Variants in HS6ST2 observed in about 807,000 individuals in gnomAD.
HS6ST2 encodes the protein heparan sulfate 6-O-sulfotransferase 2.
In HS6ST2, 17 loss-of-function variants were observed where a neutral mutation model predicts 33.0. That is an observed-to-expected ratio of 0.52 (90% CI 0.35 to 0.77). The LOEUF (loss-of-function observed/expected upper bound fraction) is 0.77, where lower values mean the gene tolerates loss of function less well. Among genes scored for constraint, HS6ST2 ranks in the 30% least tolerant of loss-of-function variants. The pLI is 0.01. For missense variants in HS6ST2, 519 were observed against 551.7 expected (o/e 0.94, Z 0.59); for synonymous variants, 248 against 237.1 (o/e 1.05, Z -0.42).
At chrX:132,739,078 C>T (rs1415499011) in intron 2 of HS6ST2, among the ~76,000 whole-genome samples, 1 of 111,844 alleles carries the variant, frequency 8.9e-6, no homozygotes, top group African/African-American at 3.3e-5. Context: ...TACTTGTTCT[C>T]CCTGCCTCCC....
chrX:132,740,105 G>A (rs2064555454), intron 2 of HS6ST2, among the ~76,000 whole-genome samples: 1 of 111,777 alleles, frequency 8.9e-6, no homozygotes, highest in African/African-American at 3.3e-5. Context: ...AGTAATTTAT[G>A]ACTCCCAGCA....
chrX:132,674,526 T>G (rs746052054), intron 3 of HS6ST2, among the ~76,000 whole-genome samples: 2 of 112,079 alleles, frequency 1.8e-5, no homozygotes, highest in African/African-American at 6.5e-5. Flanking sequence ...CCACAGGGCA[T>G]CAGGGACTGC....
chrX:132,944,193 C>T (rs914235432), intron 2 of HS6ST2, among the ~76,000 whole-genome samples: 1 of 111,700 alleles, frequency 9.0e-6, no homozygotes, highest in Non-Finnish European at 1.9e-5. Context: ...GCAAAAATCA[C>T]AAGCATTCTT....
intron 2 of HS6ST2, among the ~76,000 whole-genome samples, chrX:132,861,137 A>G (rs1411712077): frequency 1.8e-5 from 2 of 111,232 alleles, no homozygotes; most frequent in African/African-American, 6.5e-5. Context: ...CAAGATACAA[A>G]TGTGTATCCT....
At chrX:132,844,297 A>G (rs1276992704) in intron 2 of HS6ST2, among the ~76,000 whole-genome samples, 2 of 111,509 alleles carry the variant, frequency 1.8e-5, no homozygotes, top group Non-Finnish European at 3.8e-5. Context: ...ATGAAGAACC[A>G]TTGAGCTAGA....
chrX:132,842,472 T>C lies in HS6ST2; in HGVS notation c.947+114336A>G, dbSNP rs184225713. Among the ~76,000 whole-genome samples the C allele has an allele frequency of 4.5e-5, 5 of 112,009 alleles. No individual in the cohort carries two copies. The East Asian group carries it at 1.4e-3, about 31-fold the overall frequency. On this transcript the variant is annotated intron_variant, in intron 2 of 4. Transcript: ENST00000370833. ...TTGTGCTGCTGTAATCACTTTTCAT[T>C]ACCACCCCTAATTAAATGTTTTGCT... is the stretch of plus-strand genomic sequence containing the variant.
At chrX:132,798,941 T>C (rs941511243) in intron 2 of HS6ST2, among the ~76,000 whole-genome samples, 4 of 112,148 alleles carry the variant, frequency 3.6e-5, no homozygotes, top group African/African-American at 1.3e-4. Context: ...CCCTCATGTC[T>C]ATGTCCCCAG....
At chrX:132,822,502 T>C (rs1466113919) in intron 2 of HS6ST2, among the ~76,000 whole-genome samples, 1 of 111,489 alleles carries the variant, frequency 9.0e-6, no homozygotes, top group Admixed American at 9.5e-5. Flanking sequence ...CTCCCCAAAC[T>C]CTGCCTGGAC....
At chrX:132,861,704 T>C (rs1345571150) in intron 2 of HS6ST2, among the ~76,000 whole-genome samples, 2 of 112,452 alleles carry the variant, frequency 1.8e-5, no homozygotes, top group African/African-American at 6.5e-5. Context: ...ACTAGTTATA[T>C]TCCCTGGTGT....
chrX:132,804,369 T>C (rs963857703), intron 2 of HS6ST2, among the ~76,000 whole-genome samples: 3 of 112,081 alleles, frequency 2.7e-5, no homozygotes, highest in African/African-American at 9.7e-5. Context: ...AGGAAACACA[T>C]GCACCAGAGG....
intron 4 of HS6ST2, among the ~76,000 whole-genome samples, chrX:132,665,931 A>G (rs2063806805): frequency 9.0e-6 from 1 of 111,624 alleles, no homozygotes; most frequent in Admixed American, 9.5e-5. Context: ...AATGAAATAG[A>G]GCAACCAGAA....
At chrX:132,880,004 A>G (rs962916595) in intron 2 of HS6ST2, among the ~76,000 whole-genome samples, 4 of 111,413 alleles carry the variant, frequency 3.6e-5, no homozygotes, top group African/African-American at 1.3e-4. Flanking sequence ...AGGTACTTGA[A>G]CCCAACCTTG....
chrX:132,641,698 G>A lies in HS6ST2; in HGVS notation c.1068-12605C>T, dbSNP rs755279768. On this transcript the variant is annotated intron_variant, in intron 4 of 4. Transcript: ENST00000370833. Reference sequence around the variant, plus strand: ...AATCTGGTCTTTATATTTGGTCTTTGTGTCCTCACTGACAGATGTGTCTGA... The same window carrying A: ...AATCTGGTCTTTATATTTGGTCTTTATGTCCTCACTGACAGATGTGTCTGA... 7.9e-4 allele frequency among the ~76,000 whole-genome samples: 89 copies of A among 112,946 alleles called. 1 individual carries two copies. Among genetic ancestry groups the A allele is most frequent in the Middle Eastern group, 9.2e-3 (2 of 217 alleles).
intron 4 of HS6ST2, among the ~76,000 whole-genome samples, chrX:132,650,892 G>A (rs950313015): frequency 9.9e-5 from 11 of 110,728 alleles, no homozygotes; most frequent in African/African-American, 3.3e-4. Flanking sequence ...AGCTTCCCAA[G>A]TGGCTATGAC....
chrX:132,727,307 A>G (rs986022650), intron 2 of HS6ST2, among the ~76,000 whole-genome samples: 6 of 109,505 alleles, frequency 5.5e-5, no homozygotes, highest in African/African-American at 1.3e-4. Flanking sequence ...GCAAACATCT[A>G]TTGTCTCCTA....
intron 2 of HS6ST2, among the ~76,000 whole-genome samples, chrX:132,950,009 G>A (rs1385116902): frequency 8.9e-6 from 1 of 111,749 alleles, no homozygotes; most frequent in Non-Finnish European, 1.9e-5. Context: ...AATCTTTCAA[G>A]TGGATGTACT....
At chrX:132,864,724 C>T (rs1373842611) in intron 2 of HS6ST2, among the ~76,000 whole-genome samples, 2 of 110,532 alleles carry the variant, frequency 1.8e-5, no homozygotes, top group South Asian at 7.9e-4. Context: ...CCTAGCAAGA[C>T]AGGCCAACAT....
intron 2 of HS6ST2, among the ~76,000 whole-genome samples, chrX:132,832,424 G>A (rs2065599243): frequency 9.0e-6 from 1 of 111,692 alleles, no homozygotes; most frequent in Admixed American, 9.5e-5. Context: ...TTCATTACAA[G>A]CCAAAATATT....
intron 2 of HS6ST2, among the ~76,000 whole-genome samples, chrX:132,738,916 A>C (rs2148285236): frequency 8.9e-6 from 1 of 111,931 alleles, no homozygotes; most frequent in East Asian, 2.8e-4. Flanking sequence ...ATGAAACTAG[A>C]CCCTGGATTT....
Sources: gnomAD v4.1 joint callset for allele counts (sites outside exome capture counted in the v4.1 genomes callset) on GRCh38, gnomAD v4.1.1 for gene constraint, MANE v1.5 for transcripts, NCBI Gene and HGNC (gene_info 2026-07-23, HGNC 2026-07-21) for gene names.